Variants in PRKCE observed in about 807,000 individuals in gnomAD.
The protein encoded by PRKCE is protein kinase C epsilon type.
Under a neutral mutation model 85.4 loss-of-function variants are expected in PRKCE, and 16 were observed. The observed-to-expected ratio is 0.19, with a 90% CI of 0.13 to 0.28. The LOEUF (loss-of-function observed/expected upper bound fraction) is 0.28, where lower values mean the gene tolerates loss of function less well. Among genes scored for constraint, PRKCE ranks in the 10% least tolerant of loss-of-function variants. The probability of loss-of-function intolerance (pLI) is 1.00; values close to 1 mark genes in which losing one functional copy is unlikely to be tolerated. For missense variants in PRKCE, 573 were observed against 975.2 expected (o/e 0.59, Z 5.49); for synonymous variants, 388 against 371.5 (o/e 1.04, Z -0.51).
At chr2:45,849,010 AT>A (rs1438813152) in intron 2 of PRKCE, among the ~76,000 whole-genome samples, 2 of 152,140 alleles carry the variant, frequency 1.3e-5, no homozygotes, top group Non-Finnish European at 2.9e-5. Flanking sequence ...TGAAGCTCTT[AT>A]TTTCGGGGAT....
chr2:45,675,142 A>G (rs1389765591), intron 1 of PRKCE, among the ~76,000 whole-genome samples: 3 of 152,216 alleles, frequency 2.0e-5, no homozygotes, highest in Admixed American at 6.5e-5. Flanking sequence ...GACCTCATCA[A>G]TTATAAAGAG....
intron 14 of PRKCE, among the ~76,000 whole-genome samples, chr2:46,167,125 C>A (rs1337684643): frequency 6.6e-6 from 1 of 152,180 alleles, no homozygotes; most frequent in Non-Finnish European, 1.5e-5. Context: ...CCCCAAACTC[C>A]AAGAATCAAG....
chr2:45,861,404 AC>A (rs1314934661), intron 2 of PRKCE, among the ~76,000 whole-genome samples: 6 of 152,206 alleles, frequency 3.9e-5, no homozygotes, highest in African/African-American at 1.2e-4. Context: ...CTATGTAATT[AC>A]CTGCTCTGCA....
intron 1 of PRKCE, among the ~76,000 whole-genome samples, chr2:45,763,560 C>T (rs1249156008): frequency 1.3e-5 from 2 of 151,534 alleles, no homozygotes; most frequent in African/African-American, 4.8e-5. Flanking sequence ...CATTGATTTT[C>T]CCTCTTCTAG....
intron 1 of PRKCE, among the ~76,000 whole-genome samples, chr2:45,800,167 T>C (rs1046108689): frequency 3.9e-5 from 6 of 152,198 alleles, no homozygotes; most frequent in Admixed American, 1.3e-4. Flanking sequence ...TACTTGATAG[T>C]GTGTTAAAGC....
chr2:45,992,695 C>T (rs1054021566), intron 6 of PRKCE, among the ~76,000 whole-genome samples: 3 of 152,210 alleles, frequency 2.0e-5, no homozygotes, highest in African/African-American at 7.2e-5. Context: ...GGCTCTGTCA[C>T]CATTCCCAGA....
At chr2:45,910,043 G>GCCC (rs34134779) in intron 2 of PRKCE, among the ~76,000 whole-genome samples, 59 of 147,954 alleles carry the variant, frequency 4.0e-4, no homozygotes, top group Non-Finnish European at 7.6e-4. Context: ...TAAACTCACC[G>GCCC]CCCCCCCCCA....
At chr2:45,868,812 A>G (rs936999815) in intron 2 of PRKCE, among the ~76,000 whole-genome samples, 7 of 151,140 alleles carry the variant, frequency 4.6e-5, no homozygotes, top group Non-Finnish European at 1.0e-4. Flanking sequence ...AATAAAAATA[A>G]CCAGGCATGG....
chr2:45,766,971 G>A (rs544991440), intron 1 of PRKCE, among the ~76,000 whole-genome samples: 2 of 152,090 alleles, frequency 1.3e-5, no homozygotes, highest in South Asian at 4.2e-4. Context: ...AACCTGGGAG[G>A]TGGAGGTTGC....
At chr2:46,012,893 C>T (rs1442585479) in intron 10 of PRKCE, among the ~76,000 whole-genome samples, 2 of 152,202 alleles carry the variant, frequency 1.3e-5, no homozygotes, top group Non-Finnish European at 2.9e-5. Context: ...AGTGATCAAG[C>T]TAACATGGAT....
Position 45,883,339 on chromosome 2 carries a change from G to A in PRKCE, c.412+40276G>A, listed in dbSNP as rs561364418. Among the ~76,000 whole-genome samples the A allele has an allele frequency of 3.9e-5, 6 of 152,364 alleles. No individual in the cohort carries two copies. In the South Asian group the frequency reaches 8.3e-4, roughly 21 times the overall value. Reference sequence around the variant, plus strand: ...GGACTCTGAGGCGCCCTGCAGGGATGACCCTTGGCTGGCCCATAGTGTGGG... The same window carrying A: ...GGACTCTGAGGCGCCCTGCAGGGATAACCCTTGGCTGGCCCATAGTGTGGG... On this transcript the variant is annotated intron_variant, in intron 2 of 14. Coordinates refer to ENST00000306156, the MANE Select transcript of PRKCE (RefSeq NM_005400.3).
chr2:45,917,816 C>T (rs897519810), intron 2 of PRKCE, among the ~76,000 whole-genome samples: 1 of 152,206 alleles, frequency 6.6e-6, no homozygotes, highest in African/African-American at 2.4e-5. Flanking sequence ...AGCCCTGCCC[C>T]GCGGGAAGGC....
intron 1 of PRKCE, among the ~76,000 whole-genome samples, chr2:45,826,638 C>A (rs1573510817): frequency 6.6e-6 from 1 of 152,102 alleles, no homozygotes; most frequent in African/African-American, 2.4e-5. Context: ...GCAGCTGTCC[C>A]CGGCTGTCTC....
intron 11 of PRKCE, among the ~76,000 whole-genome samples, chr2:46,099,358 A>G (rs1045253478): frequency 2.6e-5 from 4 of 152,170 alleles, no homozygotes; most frequent in African/African-American, 9.7e-5. Flanking sequence ...AGAGGTGCTC[A>G]TTGACAGGCC....
At chr2:45,704,153 G>A (rs1558575368) in intron 1 of PRKCE, among the ~76,000 whole-genome samples, 1 of 152,190 alleles carries the variant, frequency 6.6e-6, no homozygotes, top group Non-Finnish European at 1.5e-5. Flanking sequence ...GGAATTATTA[G>A]CATTTTACCT....
intron 1 of PRKCE, among the ~76,000 whole-genome samples, chr2:45,788,370 G>A: frequency 6.6e-6 from 1 of 152,186 alleles, no homozygotes; most frequent in East Asian, 1.9e-4. Flanking sequence ...GCTATGCAGT[G>A]GCACGTTGAT....
chr2:45,672,977 TGATG>T (rs1676248288), intron 1 of PRKCE, among the ~76,000 whole-genome samples: 1 of 152,322 alleles, frequency 6.6e-6, no homozygotes, highest in Non-Finnish European at 1.5e-5. Flanking sequence ...TGGTGAGCTA[TGATG>T]GCACCACTCT....
At chr2:46,008,633 C>T (rs572809803) in intron 9 of PRKCE, among the ~76,000 whole-genome samples, 6 of 152,286 alleles carry the variant, frequency 3.9e-5, no homozygotes, top group African/African-American at 7.2e-5. Context: ...GGTTCCCAGC[C>T]GTCTCACCTG....
chr2:45,673,553 A>G (rs565339560), intron 1 of PRKCE, among the ~76,000 whole-genome samples: 1 of 152,342 alleles, frequency 6.6e-6, no homozygotes, highest in African/African-American at 2.4e-5. Context: ...AATACGACAT[A>G]TTTAGGGCTG....
Sources: gnomAD v4.1 joint callset for allele counts (sites outside exome capture counted in the v4.1 genomes callset) on GRCh38, gnomAD v4.1.1 for gene constraint, MANE v1.5 for transcripts, NCBI Gene and HGNC (gene_info 2026-07-23, HGNC 2026-07-21) for gene names.